The following ECT2 variants were observed in gnomAD, a reference collection of about 807,000 sequenced individuals.
ECT2 encodes the protein epithelial cell transforming 2, also known as protein ECT2.
ECT2 carries 61 observed loss-of-function variants against 116.9 expected under a neutral mutation model. That is an observed-to-expected ratio of 0.52 (90% CI 0.42 to 0.65). The LOEUF (loss-of-function observed/expected upper bound fraction) is 0.65. Among genes scored for constraint, ECT2 ranks in the 30% least tolerant of loss-of-function variants. ECT2 has a pLI of 0.00. For synonymous variants in ECT2, 358 were observed against 346.4 expected (o/e 1.03, Z -0.37); for missense variants, 937 against 1,078.7 (o/e 0.87, Z 1.84).
downstream of ECT2, among the ~76,000 whole-genome samples, chr3:172,823,702 T>C (rs1730775355): frequency 6.6e-6 from 1 of 152,110 alleles, no homozygotes; most frequent in Non-Finnish European, 1.5e-5. Context: ...GCAATAGCAT[T>C]ATGTCTAAAA....
chr3:172,817,838 A>G (rs569578366), intron 24 of ECT2, among the ~76,000 whole-genome samples: 2 of 152,154 alleles, frequency 1.3e-5, no homozygotes, highest in South Asian at 4.1e-4. Context: ...AGATGATGTT[A>G]TATACTGAGG....
intron 4 of ECT2, 107 bp from the exon 5 acceptor site, chr3:172,756,876 A>G: frequency 1.1e-6 from 1 of 932,484 alleles, no homozygotes; most frequent in East Asian, 2.9e-5. Context: ...ACAAATATAA[A>G]CATGTTAAAG....
In ECT2 at chr3:172,820,286, CAA is replaced by C. The variant is rs1730527794; in HGVS notation, c.*51_*52del. Reference sequence around the variant, plus strand: ...TAGAAATGTATAGACACCTCATACTCAAATAAGAAACTGACTTAAATGGTACT... The same window carrying C: ...TAGAAATGTATAGACACCTCATACTCATAAGAAACTGACTTAAATGGTACT... On this transcript the variant is annotated 3_prime_UTR_variant, in exon 25 of 25. Transcript: ENST00000392692. 7.4e-7 allele frequency: 1 copy of C among 1,349,766 alleles called. No homozygotes were observed. The highest frequency in any genetic ancestry group is 1.0e-6 in the Non-Finnish European group (1 of 978,740). The allele number at this position is 1,349,766 out of a possible 1,614,324, so 83.6% of individuals were successfully genotyped here.
At chr3:172,793,713 A>T (rs1030951569) in intron 18 of ECT2, among the ~76,000 whole-genome samples, 2 of 151,858 alleles carry the variant, frequency 1.3e-5, no homozygotes, top group African/African-American at 4.8e-5. Flanking sequence ...ATCCACCCAC[A>T]TCAGCCTTCC....
At chr3:172,769,353 A>G (rs1720178242) in intron 13 of ECT2, among the ~76,000 whole-genome samples, 1 of 152,182 alleles carries the variant, frequency 6.6e-6, no homozygotes, top group Non-Finnish European at 1.5e-5. Flanking sequence ...ACCATTTTTA[A>G]TAATTACTTT....
At chr3:172,751,554 T>A (rs756506148) in intron 1 of ECT2, among the ~76,000 whole-genome samples, 1 of 151,662 alleles carries the variant, frequency 6.6e-6, no homozygotes, top group East Asian at 1.9e-4. Context: ...TATTAAGCGT[T>A]AAGTAAATGT....
At chr3:172,811,991 T>G (rs1372398505) in intron 22 of ECT2, among the ~76,000 whole-genome samples, 1 of 151,836 alleles carries the variant, frequency 6.6e-6, no homozygotes, top group Non-Finnish European at 1.5e-5. Flanking sequence ...TTCTTTTTTT[T>G]TTTTTTTTGG....
chr3:172,796,509 C>T (rs534588224), intron 18 of ECT2: 15 of 152,034 alleles, frequency 9.9e-5, no homozygotes, highest in African/African-American at 3.1e-4. Flanking sequence ...TAGCAGTAAT[C>T]GCTCCTCGGA....
intron 18 of ECT2, among the ~76,000 whole-genome samples, chr3:172,795,480 AT>A (rs1725471830): frequency 6.6e-6 from 1 of 152,278 alleles, no homozygotes. Context: ...TAATTCTTTG[AT>A]TTAAACTAAC....
rs1319357112 is a variant in ECT2, at chr3:172,774,106, T to C, written c.1548+84T>C. ...GATCTTTGAGGTACTTCTGGTTAGC[T>C]AAATAAGTTTTGTACCTAAAACTTC... is the stretch of plus-strand genomic sequence containing the variant. On this transcript the variant is annotated intron_variant, in intron 14 of 24. Transcript: ENST00000392692. 3 of 1,382,144 alleles carry C rather than the reference T, an allele frequency of 2.2e-6. No homozygotes were observed. In the African/African-American group the frequency reaches 4.4e-5, roughly 20 times the overall value. The allele number at this position is 1,382,144 out of a possible 1,614,324, so 85.6% of individuals were successfully genotyped here. A position where few individuals can be genotyped will look rare whatever the true frequency, so the allele number is the denominator to read the frequency against.
intron 13 of ECT2, among the ~76,000 whole-genome samples, chr3:172,770,154 C>A (rs1720335332): frequency 6.6e-6 from 1 of 152,108 alleles, no homozygotes; most frequent in South Asian, 2.1e-4. Flanking sequence ...TTTAAGTCAC[C>A]TTTGCTCTTC....
At chr3:172,775,489 TAG>T (rs1258188206) in intron 14 of ECT2, among the ~76,000 whole-genome samples, 35 of 152,222 alleles carry the variant, frequency 2.3e-4, no homozygotes, top group Admixed American at 2.3e-3. Context: ...CTTAGAAAGC[TAG>T]AGAGTTTCAG....
chr3:172,804,551 C>T (rs983730467), intron 20 of ECT2, among the ~76,000 whole-genome samples: 8 of 152,182 alleles, frequency 5.3e-5, no homozygotes, highest in Non-Finnish European at 1.0e-4. Context: ...GGATTCGCAT[C>T]ATCATGGGGT....
intron 15 of ECT2, among the ~76,000 whole-genome samples, chr3:172,783,543 G>A (rs1258083662): frequency 1.3e-5 from 2 of 151,930 alleles, no homozygotes; most frequent in Non-Finnish European, 2.9e-5. Flanking sequence ...AATACAATCA[G>A]CTTTAACATA....
intron 22 of ECT2, among the ~76,000 whole-genome samples, chr3:172,810,428 A>G (rs887787197): frequency 1.3e-5 from 2 of 152,194 alleles, no homozygotes; most frequent in South Asian, 2.1e-4. Flanking sequence ...ACGATTGGAC[A>G]TATATTAAAA....
At chr3:172,792,570 T>C (rs1724881175) in intron 18 of ECT2, among the ~76,000 whole-genome samples, 1 of 152,210 alleles carries the variant, frequency 6.6e-6, no homozygotes, top group Non-Finnish European at 1.5e-5. Flanking sequence ...CATTTTCATG[T>C]TGATGGCATT....
chr3:172,765,122 A>G (rs543102441), intron 12 of ECT2, among the ~76,000 whole-genome samples: 17 of 152,276 alleles, frequency 1.1e-4, no homozygotes, highest in African/African-American at 3.4e-4. Flanking sequence ...ACTTTGATCT[A>G]TTGTCTCATT....
At chr3:172,813,902 T>G (rs1307220107) in intron 22 of ECT2, among the ~76,000 whole-genome samples, 1 of 97,788 alleles carries the variant, frequency 1.0e-5, no homozygotes, top group Non-Finnish European at 2.3e-5. Context: ...AGTTTTGTTA[T>G]GAAGAACATT....
Position 172,764,349 on chromosome 3 carries a change from A to T in ECT2, c.1140A>T (p.Arg380=), listed in dbSNP as rs1391411932. The change falls in exon 12 of 25, where the codon CGA becomes CGT. Residue 380 remains arginine, a synonymous_variant. Coordinates refer to ENST00000392692, the MANE Select transcript of ECT2 (RefSeq NM_001258315.2). ...ATACCCCTAACAGCAATCGCAAACG[A>T]CGTCGTTTAAAAGAAACACTTGCTC... ...SLNTPNSNRK[R]RRLKETLAQL... The T allele has an allele frequency of 1.2e-6, 2 of 1,614,036 alleles. No homozygotes were observed. Among genetic ancestry groups the T allele is most frequent in the Non-Finnish European group, 8.5e-7 (1 of 1,180,006 alleles).
Sources: gnomAD v4.1 joint callset for allele counts (sites outside exome capture counted in the v4.1 genomes callset) on GRCh38, gnomAD v4.1.1 for gene constraint, MANE v1.5 for transcripts, NCBI Gene and HGNC (gene_info 2026-07-23, HGNC 2026-07-21) for gene names.